GOLM1: variants seen among roughly 807,000 people sequenced by gnomAD.
The protein encoded by GOLM1 is epididymis luminal protein 46.
Under a neutral mutation model 50.5 loss-of-function variants are expected in GOLM1, and 31 were observed. The observed-to-expected ratio is 0.61, with a 90% confidence interval of 0.46 to 0.83. GOLM1 has a LOEUF of 0.83. Ranked by LOEUF, GOLM1 falls within the 40% of genes least tolerant of loss-of-function variation. The pLI, the probability that GOLM1 is intolerant of heterozygous loss-of-function variation, is 0.00. For missense variants in GOLM1, 491 were observed against 501.3 expected (o/e 0.98, Z 0.20); for synonymous variants, 178 against 192.8 (o/e 0.92, Z 0.64).
At chr9:86,068,366 G>C (rs958747498) in intron 3 of GOLM1, among the ~76,000 whole-genome samples, 2 of 152,200 alleles carry the variant, frequency 1.3e-5, no homozygotes, top group African/African-American at 4.8e-5. Flanking sequence ...GTATTAATTT[G>C]TACGCAGCCC....
intron 1 of GOLM1, among the ~76,000 whole-genome samples, chr9:86,084,679 C>A (rs1320402521): frequency 6.6e-6 from 1 of 152,140 alleles, no homozygotes; most frequent in Non-Finnish European, 1.5e-5. Context: ...TAGATCTTAA[C>A]CATATCCAAA....
At chr9:86,050,314 G>C (rs558630707) in intron 4 of GOLM1, among the ~76,000 whole-genome samples, 58 of 152,268 alleles carry the variant, frequency 3.8e-4, no homozygotes, top group African/African-American at 1.0e-3. Context: ...CAGGGATATA[G>C]GTCTAAAATT....
At chr9:86,057,627 T>C (rs1447007139) in intron 3 of GOLM1, among the ~76,000 whole-genome samples, 1 of 142,612 alleles carries the variant, frequency 7.0e-6, no homozygotes, top group African/African-American at 2.9e-5. Context: ...GGGCCACCCT[T>C]TAGGGTGGGT....
intron 5 of GOLM1, among the ~76,000 whole-genome samples, chr9:86,043,438 C>T (rs780542561): frequency 2.0e-5 from 3 of 152,122 alleles, no homozygotes; most frequent in Non-Finnish European, 2.9e-5. Context: ...TAAGGGAGGG[C>T]GTGCAGATAT....
chr9:86,058,055 C>T (rs553445998), intron 3 of GOLM1, among the ~76,000 whole-genome samples: 1 of 152,278 alleles, frequency 6.6e-6, no homozygotes, highest in Non-Finnish European at 1.5e-5. Context: ...ACTCCTGTTA[C>T]TACCTTAGAA....
intron 1 of GOLM1, among the ~76,000 whole-genome samples, chr9:86,093,744 T>C (rs891266564): frequency 3.9e-5 from 6 of 152,324 alleles, no homozygotes; most frequent in Non-Finnish European, 7.4e-5. Context: ...AGAAAAGGCA[T>C]ATGAAAATGG....
At chr9:86,051,246 T>G (rs11141196) in intron 4 of GOLM1, among the ~76,000 whole-genome samples, 16 of 152,188 alleles carry the variant, frequency 1.1e-4, no homozygotes, top group African/African-American at 3.6e-4. Flanking sequence ...TTATAATTGC[T>G]GTTCTTTTAC....
At chr9:86,075,996 G>A (rs781075550) in intron 3 of GOLM1, among the ~76,000 whole-genome samples, 11 of 152,152 alleles carry the variant, frequency 7.2e-5, no homozygotes, top group Non-Finnish European at 1.3e-4. Flanking sequence ...TCAGTTATGC[G>A]AGAAAAGTCT....
intron 3 of GOLM1, among the ~76,000 whole-genome samples, chr9:86,069,986 C>G (rs185641854): frequency 1.2e-3 from 189 of 152,096 alleles, no homozygotes; most frequent in African/African-American, 4.1e-3. Context: ...CGGGTTCAAG[C>G]GATTCTCCTG....
At position 86,033,343 on chromosome 9, in the gene GOLM1, A is replaced by C; in HGVS notation, c.1068T>G (p.Asn356Lys). The change falls in exon 9 of 10, where the codon AAT (asparagine) becomes AAG (lysine). Residue 356 changes from asparagine (N) to lysine (K), a missense_variant. Asn to Lys is a moderately conservative substitution (Grantham distance 94, BLOSUM62 0). Transcript: ENST00000388712. Reference protein sequence around the residue: ...RGEDDYNMDENEAESETDKQA... With the variant: ...RGEDDYNMDEKEAESETDKQA... The stretch of plus-strand genomic sequence containing the variant: ...GCTTGTCTGTCTCAGATTCTGCTTC[A>C]TTTTCATCCATGTTGTAGTCATCTT... 1 of 1,613,630 alleles carries C rather than the reference A, an allele frequency of 6.2e-7. No homozygotes were observed. The highest frequency in any genetic ancestry group is 8.5e-7 in the Non-Finnish European group (1 of 1,179,606).
rs201214319 is a variant in GOLM1 at position 86,079,216 on chromosome 9, C to A, written c.105G>T (p.Ala35=). The change falls in exon 2 of 10, where the codon GCG becomes GCT. Residue 35 remains alanine (A), a synonymous_variant. Coordinates refer to ENST00000388712, the MANE Select transcript of GOLM1 (RefSeq NM_016548.4). ...CCTGGAGGTCCACGCTCCGGGAGCTCGCAATCCAGTAGTTGAAGCCCAAGA... is the reference window on the plus strand; with the variant it reads ...CCTGGAGGTCCACGCTCCGGGAGCTAGCAATCCAGTAGTTGAAGCCCAAGA... ...IIVLGFNYWI[A]SSRSVDLQTR... The A allele has an allele frequency of 8.1e-6, 13 of 1,600,570 alleles. No homozygotes were observed. In the African/African-American group the frequency reaches 1.3e-4, roughly 17 times the overall value.
At position 86,097,067 on chromosome 9, in the gene GOLM1, C is replaced by CTT. The variant is rs35392923; in HGVS notation, c.-22+2342_-22+2343dup. Among the ~76,000 whole-genome samples the CTT allele has an allele frequency of 9.1e-4, 130 of 143,178 alleles. 2 individuals are homozygous for CTT. Among genetic ancestry groups the CTT allele is most frequent in the South Asian group, 8.0e-3 (36 of 4,482 alleles). 93.9% of individuals were successfully genotyped at this position (143,178 alleles called of 152,430 possible). ...ATGTAAAAATCTGAGAAGGCATGGA[C>CTT]TTTTTTTTTTTTTTTTCCTGAAAGT... On this transcript the variant is annotated intron_variant, in intron 1 of 9. Transcript: ENST00000388712.
chr9:86,086,133 G>A (rs1228337753), intron 1 of GOLM1, among the ~76,000 whole-genome samples: 1 of 152,208 alleles, frequency 6.6e-6, no homozygotes, highest in Non-Finnish European at 1.5e-5. Context: ...TCCAGCATCT[G>A]TGGTTTCCTG....
At chr9:86,071,367 AT>A (rs968479598) in intron 3 of GOLM1, among the ~76,000 whole-genome samples, 4 of 151,660 alleles carry the variant, frequency 2.6e-5, no homozygotes, top group Non-Finnish European at 1.5e-5. Context: ...CAAAGCACCT[AT>A]TTTTTTTAAT....
At chr9:86,088,816 G>C (rs556130138) in intron 1 of GOLM1, among the ~76,000 whole-genome samples, 1 of 151,804 alleles carries the variant, frequency 6.6e-6, no homozygotes, top group Non-Finnish European at 1.5e-5. Context: ...GATGTTAACT[G>C]GTTATTTTGT....
chr9:86,050,550 G>C (rs1403632025), intron 4 of GOLM1, among the ~76,000 whole-genome samples: 1 of 152,106 alleles, frequency 6.6e-6, no homozygotes, highest in African/African-American at 2.4e-5. Context: ...GCCTGTTATT[G>C]GTCTATTCAG....
intron 6 of GOLM1, among the ~76,000 whole-genome samples, chr9:86,039,840 T>G (rs538856853): frequency 6.6e-6 from 1 of 151,536 alleles, no homozygotes; most frequent in East Asian, 1.9e-4. Flanking sequence ...TGGTGGTGGG[T>G]GCCTGTAATC....
chr9:86,053,856 A>G (rs543937207), intron 3 of GOLM1, among the ~76,000 whole-genome samples: 1 of 151,340 alleles, frequency 6.6e-6, no homozygotes, highest in South Asian at 2.1e-4. Flanking sequence ...ACACCACTCT[A>G]CACCACACCA....
At chr9:86,082,089 C>T (rs1178634403) in intron 1 of GOLM1, among the ~76,000 whole-genome samples, 19 of 120,174 alleles carry the variant, frequency 1.6e-4, no homozygotes, top group East Asian at 2.7e-4. Flanking sequence ...AGTGCAGTGG[C>T]GTGATCTAGG....
Sources: allele counts gnomAD v4.1 joint callset (sites outside exome capture counted in the v4.1 genomes callset), GRCh38; gene constraint gnomAD v4.1.1; transcripts MANE v1.5; gene names NCBI Gene and HGNC (gene_info 2026-07-23, HGNC 2026-07-21).